NT5M: variants seen among roughly 807,000 people sequenced by gnomAD.
NT5M encodes 5'(3')-deoxyribonucleotidase, mitochondrial.
A neutral mutation model predicts 22.2 loss-of-function variants in NT5M; 22 were observed. The observed-to-expected ratio is 0.99, with a 90% CI of 0.71 to 1.41. The LOEUF (loss-of-function observed/expected upper bound fraction) is 1.41. Ranked by LOEUF, NT5M falls within the 40% of genes most tolerant of loss-of-function variation. The pLI is 0.00. For synonymous variants in NT5M, 167 were observed against 133.0 expected, an observed-to-expected ratio of 1.26 and a Z score of -1.76; for missense variants, 322 against 314.8, an observed-to-expected ratio of 1.02 and a Z score of -0.17.
At chr17:17,315,781 G>A (rs2049013486) in intron 2 of NT5M, among the ~76,000 whole-genome samples, 1 of 114,808 alleles carries the variant, frequency 8.7e-6, no homozygotes, top group Non-Finnish European at 1.7e-5. Context: ...TTTTGAGACA[G>A]CCTCGCTCCA....
At chr17:17,311,013 C>T (rs1057479502) in intron 2 of NT5M, among the ~76,000 whole-genome samples, 3 of 151,902 alleles carry the variant, frequency 2.0e-5, no homozygotes, top group African/African-American at 7.3e-5. Flanking sequence ...ACAAAAAATA[C>T]AAAGATTTGC....
intron 2 of NT5M, among the ~76,000 whole-genome samples, chr17:17,318,472 C>T (rs1227822349): frequency 1.9e-5 from 2 of 104,376 alleles, no homozygotes; most frequent in Non-Finnish European, 3.7e-5. Context: ...CAAAGCGAGA[C>T]TCTGTCTCAA....
Position 17,303,633 on chromosome 17 carries a change from T to TGGGCC in NT5M, c.84_88dup (p.Leu30ArgfsTer61). On this transcript the variant is annotated frameshift_variant, in exon 1 of 5. Coordinates refer to ENST00000389022, the MANE Select transcript of NT5M (RefSeq NM_020201.4). LOFTEE classifies it high-confidence loss of function. ...GGGCGGCGCGGGGCGGCGGGCGGGC[T>TGGGCC]GGGCCTGGCGGGAGGCCGCGCCCTA... 1 of 1,400,044 alleles carries TGGGCC rather than the reference T, an allele frequency of 7.1e-7. No individual in the cohort carries two copies. Among genetic ancestry groups the TGGGCC allele is most frequent in the Non-Finnish European group, 9.4e-7 (1 of 1,064,514 alleles). 86.7% of individuals were successfully genotyped at this position (1,400,044 alleles called of 1,614,324 possible).
intron 3 of NT5M, among the ~76,000 whole-genome samples, chr17:17,338,572 AG>A (rs1176955822): frequency 6.6e-6 from 1 of 151,106 alleles, no homozygotes; most frequent in Non-Finnish European, 1.5e-5. Context: ...GTAGCTTTGT[AG>A]TATCATTTAA....
chr17:17,303,991 C>G (rs2048738807), intron 1 of NT5M, 174 bp downstream of exon 1: 1 of 1,242,960 alleles, frequency 8.0e-7, no homozygotes, highest in African/African-American at 1.6e-5. Context: ...TGCGGCCCCG[C>G]GCTCAGGATC....
chr17:17,330,322 C>T, intron 3 of NT5M, among the ~76,000 whole-genome samples: 1 of 149,494 alleles, frequency 6.7e-6, no homozygotes, highest in African/African-American at 2.4e-5. Flanking sequence ...AAAAAAAAAA[C>T]CCACTCCTTA....
chr17:17,343,058 A>C lies in NT5M; in HGVS notation c.430-1736A>C, dbSNP rs1433440262. The stretch of plus-strand genomic sequence containing the variant: ...CATTAGCCCCAGGCTCTTGCCCCCC[A>C]TCCAGCCTGCACCAGCGATTTACAG... On this transcript the variant is annotated intron_variant, in intron 3 of 4. Transcript: ENST00000389022. Among the ~76,000 whole-genome samples, 26 of 152,108 alleles carry C rather than the reference A, an allele frequency of 1.7e-4. 1 individual carries two copies. Among genetic ancestry groups the C allele is most frequent in the Admixed American group, 1.6e-3 (25 of 15,278 alleles).
At chr17:17,345,355 C>G in intron 4 of NT5M, 1 of 793,018 alleles carries the variant, frequency 1.3e-6, no homozygotes, top group Non-Finnish European at 1.5e-6. Flanking sequence ...ACCAAACAAG[C>G]CAGTCAACCT....
At position 17,345,318 on chromosome 17, in the gene NT5M, T is replaced by C. The variant is rs937605681; in HGVS notation, c.544+410T>C. On this transcript the variant is annotated intron_variant, in intron 4 of 4. Transcript: ENST00000389022. ...GCAGAGCTCCTGCAGGGAAGGTGGG[T>C]TGGGACAGAAGACCCCCCTCCCCAA... 3 of 998,974 alleles carry C rather than the reference T, an allele frequency of 3.0e-6. No homozygotes were observed. The African/African-American group carries it at 5.2e-5, about 17-fold the overall frequency. The allele number at this position is 998,974 out of a possible 1,614,324, so 61.9% of individuals were successfully genotyped here. A position where few individuals can be genotyped will look rare whatever the true frequency, so the allele number is the denominator to read the frequency against.
chr17:17,331,216 C>T (rs34121330), intron 3 of NT5M, among the ~76,000 whole-genome samples: 20,674 of 151,500 alleles, frequency 0.14, 1,797 homozygotes, highest in Non-Finnish European at 0.17. Flanking sequence ...CCTGGAGCTC[C>T]TGAACCCCAG....
intron 2 of NT5M, among the ~76,000 whole-genome samples, chr17:17,321,844 G>C (rs1345375978): frequency 2.0e-5 from 3 of 151,900 alleles, no homozygotes; most frequent in Non-Finnish European, 4.4e-5. Context: ...GTGTCTCCAC[G>C]AGGCTGAAGA....
At chr17:17,328,702 C>T (rs1257238403) in intron 3 of NT5M, among the ~76,000 whole-genome samples, 2 of 152,188 alleles carry the variant, frequency 1.3e-5, no homozygotes, top group Non-Finnish European at 2.9e-5. Context: ...GGAAACTTTT[C>T]TCCTTGGTTG....
At chr17:17,313,774 A>G (rs9898993) in intron 2 of NT5M, among the ~76,000 whole-genome samples, 10,325 of 152,234 alleles carry the variant, frequency 0.068, 1,185 homozygotes, top group African/African-American at 0.23. Flanking sequence ...CCGGGAGGCC[A>G]CGCCATTGTG....
At chr17:17,307,362 G>A (rs1036399133) in intron 2 of NT5M, among the ~76,000 whole-genome samples, 11 of 152,110 alleles carry the variant, frequency 7.2e-5, no homozygotes, top group African/African-American at 2.2e-4. Flanking sequence ...GGTGGCTCAC[G>A]CCTGTAATCC....
At chr17:17,317,721 T>C (rs1177555011) in intron 2 of NT5M, among the ~76,000 whole-genome samples, 2 of 152,072 alleles carry the variant, frequency 1.3e-5, no homozygotes, top group African/African-American at 4.8e-5. Context: ...TCCCAGCACT[T>C]TGGAAGGCCA....
At chr17:17,305,630 CTT>C (rs968205212) in intron 1 of NT5M, among the ~76,000 whole-genome samples, 4 of 152,032 alleles carry the variant, frequency 2.6e-5, no homozygotes, top group African/African-American at 9.7e-5. Context: ...GGGTGGCTGT[CTT>C]TCTGTAGTGT....
chr17:17,303,651 G>T lies in NT5M; in HGVS notation c.101G>T (p.Arg34Leu), dbSNP rs776778550. The change falls in exon 1 of 5, where the codon CGC (arginine) becomes CTC (leucine). Residue 34 changes from arginine (R) to leucine (L), a missense_variant. By Grantham distance (102) the Arg-to-Leu change is moderately radical (BLOSUM62 -2). Transcript: ENST00000389022. ...AAGGLGLAGG[R>L]ALRVLVDMDG... The stretch of plus-strand genomic sequence containing the variant: ...GGCGGGCTGGGCCTGGCGGGAGGCC[G>T]CGCCCTACGGGTGCTGGTGGACATG... 9.4e-6 allele frequency: 14 copies of T among 1,484,174 alleles called. No individual in the cohort carries two copies. The highest frequency in any genetic ancestry group is 1.2e-5 in the Non-Finnish European group (13 of 1,111,310). 91.9% of individuals were successfully genotyped at this position (1,484,174 alleles called of 1,614,324 possible). A position where few individuals can be genotyped will look rare whatever the true frequency, so the allele number is the denominator to read the frequency against.
At chr17:17,346,703 T>C (rs2049766470) in intron 4 of NT5M, 102 bp from the exon 5 acceptor site, 1 of 1,456,244 alleles carries the variant, frequency 6.9e-7, no homozygotes, top group Non-Finnish European at 9.4e-7. Flanking sequence ...GGAAACAAGT[T>C]TTGGCAAGGC....
intron 1 of NT5M, 63 bp from the exon 2 acceptor site, chr17:17,306,480 C>A: frequency 8.6e-7 from 1 of 1,166,276 alleles, no homozygotes; most frequent in South Asian, 1.2e-5. Flanking sequence ...GCCATACTCC[C>A]CAAGATGAGG....
Sources: gnomAD v4.1 joint callset for allele counts (sites outside exome capture counted in the v4.1 genomes callset) on GRCh38, gnomAD v4.1.1 for gene constraint, MANE v1.5 for transcripts, NCBI Gene and HGNC (gene_info 2026-07-23, HGNC 2026-07-21) for gene names.